Variants in TICRR observed in about 807,000 individuals in gnomAD.
TICRR encodes TOPBP1 interacting checkpoint and replication regulator, also known as treslin.
Under a neutral mutation model 178.1 loss-of-function variants are expected in TICRR, and 132 were observed. The observed-to-expected ratio is 0.74, with a 90% confidence interval of 0.64 to 0.86. The LOEUF (loss-of-function observed/expected upper bound fraction) is 0.86, where lower values mean the gene tolerates loss of function less well. TICRR is among the 40% of genes least tolerant of loss of function. The pLI is 0.00. For synonymous variants in TICRR, 991 were observed against 900.7 expected (o/e 1.10, Z -1.79); for missense variants, 2,587 against 2,334.3 (o/e 1.11, Z -2.23).
intron 21 of TICRR, 109 bp from the exon 22 acceptor site, chr15:89,626,847 G>C (rs1963536751): frequency 3.9e-6 from 5 of 1,267,508 alleles, no homozygotes; most frequent in East Asian, 2.3e-5. Flanking sequence ...AAGCAGTGCT[G>C]ATTTTCTTAA....
chr15:89,623,873 T>C lies in TICRR; in HGVS notation c.3563T>C (p.Leu1188Pro). Residue 1188 changes from leucine to proline, a missense_variant, in exon 20 of 22, where the codon CTT becomes CCT. Leu to Pro is a moderately conservative substitution (Grantham distance 98). Transcript: ENST00000268138. The stretch of plus-strand genomic sequence containing the variant: ...ACCCAGGCAGGAGAAGGTACCTCTC[T>C]TGAAACGAAGACACCAAGAACTCCT... The part of the protein sequence containing the change: ...RHTQAGEGTS[L>P]ETKTPRTPKR... 1 of 1,613,940 alleles carries C rather than the reference T, an allele frequency of 6.2e-7. No individual in the cohort carries two copies. The highest frequency in any genetic ancestry group is 2.2e-5 in the East Asian group (1 of 44,868).
At chr15:89,611,604 AT>A (rs1375352304) in intron 15 of TICRR, among the ~76,000 whole-genome samples, 2 of 152,032 alleles carry the variant, frequency 1.3e-5, no homozygotes, top group African/African-American at 4.8e-5. Context: ...TTAGACTCCC[AT>A]GATATATGTG....
intron 12 of TICRR, among the ~76,000 whole-genome samples, chr15:89,602,429 G>T (rs1449201683): frequency 6.6e-6 from 1 of 152,064 alleles, no homozygotes; most frequent in Admixed American, 6.6e-5. Flanking sequence ...ATAACCTATG[G>T]GACCATTGTC....
At chr15:89,594,888 ATGT>A (rs1450400697) in intron 6 of TICRR, among the ~76,000 whole-genome samples, 2 of 152,290 alleles carry the variant, frequency 1.3e-5, no homozygotes, top group South Asian at 2.1e-4. Flanking sequence ...CAAAATTCTC[ATGT>A]TGTTGAACAT....
intron 1 of TICRR, among the ~76,000 whole-genome samples, chr15:89,577,626 T>G (rs918648864): frequency 1.5e-5 from 2 of 132,064 alleles, no homozygotes; most frequent in Admixed American, 7.8e-5. Flanking sequence ...TTTTTTTTTT[T>G]GAGACAGAGT....
Position 89,575,654 on chromosome 15 carries a change from TCCG to T in TICRR, c.69_71del (p.Arg25del). The stretch of plus-strand genomic sequence containing the variant: ...GGCGGCGCCGCCCGCCACAGCCGGG[TCCG>T]GCGGGCCGCCCTGCGCCTCCTCACC... On this transcript the variant is annotated inframe_deletion, in exon 1 of 22. Coordinates refer to ENST00000268138, the MANE Select transcript of TICRR (RefSeq NM_152259.4). The T allele has an allele frequency of 1.3e-6, 2 of 1,570,876 alleles. No homozygotes were observed. Among genetic ancestry groups the T allele is most frequent in the Non-Finnish European group, 1.7e-6 (2 of 1,160,878 alleles).
chr15:89,597,822 G>A (rs1963023701), intron 7 of TICRR, among the ~76,000 whole-genome samples: 1 of 152,168 alleles, frequency 6.6e-6, no homozygotes, highest in African/African-American at 2.4e-5. Context: ...ATCAAATTGG[G>A]AATCTGAAAT....
In TICRR at chr15:89,599,427, C is replaced by G. The variant is rs1367462681; in HGVS notation, c.2004C>G (p.Ile668Met). The G allele has an allele frequency of 1.2e-6, 2 of 1,613,408 alleles. No individual in the cohort carries two copies. Among genetic ancestry groups the G allele is most frequent in the Admixed American group, 1.7e-5 (1 of 59,918 alleles). Residue 668 changes from isoleucine (I) to methionine (M), a missense_variant, in exon 8 of 22, where the codon ATC becomes ATG. Transcript: ENST00000268138. ...IMLYACARNMISTVKMFLKSK... is the reference protein window; with the variant it reads ...IMLYACARNMMSTVKMFLKSK... ...TGTATGCATGTGCTCGAAACATGAT[C>G]TCAACCGTTAAAATGTTCCTAAAAT...
rs764619506 is a variant in TICRR at position 89,582,720 on chromosome 15, C to T, written c.689C>T (p.Thr230Ile). 6.2e-7 allele frequency: 1 copy of T among 1,614,170 alleles called. No homozygotes were observed. Among genetic ancestry groups the T allele is most frequent in the South Asian group, 1.1e-5 (1 of 91,086 alleles). The change falls in exon 2 of 22, where the codon ACT becomes ATT. Residue 230 changes from threonine to isoleucine, a missense_variant. By Grantham distance (89) the Thr-to-Ile change is moderately conservative. Transcript: ENST00000268138. ...WESPDHLGYWTVCELLHHGGG... is the reference protein window; with the variant it reads ...WESPDHLGYWIVCELLHHGGG... The stretch of plus-strand genomic sequence containing the variant: ...TCCCCAGACCACCTTGGATACTGGA[C>T]TGTTTGTGAACTGCTCCACCACGGA...
At chr15:89,601,623 A>T in intron 11 of TICRR, 55 bp downstream of exon 11, 1 of 1,608,044 alleles carries the variant, frequency 6.2e-7, no homozygotes. Flanking sequence ...AAACCTATGT[A>T]TGGTGTTGTC....
At position 89,601,726 on chromosome 15, in the gene TICRR, C is replaced by G. The variant is rs201639372; in HGVS notation, c.2328-11C>G. 564 of 1,614,038 alleles carry G rather than the reference C, an allele frequency of 3.5e-4. 6 individuals are homozygous for G. The Middle Eastern group carries it at 0.013, about 37-fold the overall frequency. The stretch of plus-strand genomic sequence containing the variant: ...GGTAACTGTTCCGTATTCGATCAAT[C>G]TGTTCCACAGGTATATTGACTCTAT... On this transcript the variant is annotated splice_polypyrimidine_tract_variant and intron_variant, in intron 11 of 21. Transcript: ENST00000268138.
chr15:89,627,207 A>G lies in TICRR; in HGVS notation c.*121A>G, dbSNP rs1176312476. ...GGTCAGTGTTCAGATTGCCATTAGA[A>G]TGCCTTAGGGTTTTCTAATTCCCCT... On this transcript the variant is annotated 3_prime_UTR_variant, in exon 22 of 22. Transcript: ENST00000268138. 7.9e-7 allele frequency: 1 copy of G among 1,261,672 alleles called. No homozygotes were observed. The highest frequency in any genetic ancestry group is 1.1e-6 in the Non-Finnish European group (1 of 899,708). The allele number at this position is 1,261,672 out of a possible 1,614,324, so 78.2% of individuals were successfully genotyped here.
Position 89,576,061 on chromosome 15 carries a change from C to T in TICRR, c.475C>T (p.Pro159Ser), listed in dbSNP as rs1224944013. The T allele has an allele frequency of 3.7e-6, 6 of 1,611,710 alleles. No homozygotes were observed. The African/African-American group carries it at 4.0e-5, about 11-fold the overall frequency. Residue 159 changes from proline to serine, a missense_variant, in exon 1 of 22, where the codon CCC (proline) becomes TCC (serine). Coordinates refer to ENST00000268138, the MANE Select transcript of TICRR (RefSeq NM_152259.4). Reference protein sequence around the residue: ...GLVNAVFLLAPCPHSQRELLQ... With the variant: ...GLVNAVFLLASCPHSQRELLQ... ...GGTGAACGCCGTCTTCCTCCTGGCC[C>T]CCTGTCCGCACTCGCAGAGGGAGCT...
At chr15:89,593,048 G>A (rs1962939294) in intron 5 of TICRR, among the ~76,000 whole-genome samples, 1 of 152,220 alleles carries the variant, frequency 6.6e-6, no homozygotes, top group South Asian at 2.1e-4. Flanking sequence ...ATCAGGTAGT[G>A]TAAGTCCTCT....
rs758340143 is a variant in TICRR at position 89,623,935 on chromosome 15, A to G, written c.3625A>G (p.Asn1209Asp). 2.8e-5 allele frequency: 45 copies of G among 1,613,880 alleles called. No homozygotes were observed. Among genetic ancestry groups the G allele is most frequent in the East Asian group, 8.9e-5 (4 of 44,886 alleles). ...TACTCAGCCGCCTGGGTTTTTGCCA[A>G]ACTGTACTTGGCCACATTCAGTGAA... ...QGTQPPGFLP[N>D]CTWPHSVNSS... Residue 1209 changes from asparagine (N) to aspartate (D), a missense_variant, in exon 20 of 22, where the codon AAC becomes GAC. Transcript: ENST00000268138.
chr15:89,583,264 A>G (rs911870925), intron 2 of TICRR, among the ~76,000 whole-genome samples: 2 of 152,242 alleles, frequency 1.3e-5, no homozygotes, highest in Non-Finnish European at 2.9e-5. Flanking sequence ...ACATGGGTAT[A>G]CGATTTCATT....
At position 89,624,376 on chromosome 15, in the gene TICRR, C is replaced by T. The variant is rs1275187785; in HGVS notation, c.4066C>T (p.Pro1356Ser). The T allele has an allele frequency of 6.2e-7, 1 of 1,613,982 alleles. No individual in the cohort carries two copies. The highest frequency in any genetic ancestry group is 1.3e-5 in the African/African-American group (1 of 74,926). ...SPSVAASLSC[P>S]VPSTPPELSQ... ...CAGCGTAGCTGCATCTCTCTCCTGC[C>T]CTGTTCCCTCAACTCCCCCTGAACT... The change falls in exon 20 of 22, where the codon CCT (proline) becomes TCT (serine). Residue 1356 changes from proline to serine, a missense_variant. Physicochemically the swap from Pro to Ser is moderately conservative, Grantham distance 74. Transcript: ENST00000268138.
At chr15:89,596,680 C>T (rs1489455630) in intron 7 of TICRR, among the ~76,000 whole-genome samples, 1 of 152,032 alleles carries the variant, frequency 6.6e-6, no homozygotes, top group African/African-American at 2.4e-5. Context: ...TCTTTTGTTT[C>T]TGTTGATTGC....
Position 89,618,207 on chromosome 15 carries a change from G to C in TICRR, c.3016G>C (p.Asp1006His). Residue 1006 changes from aspartate to histidine, a missense_variant, in exon 17 of 22, where the codon GAT (aspartate) becomes CAT (histidine). Physicochemically the swap from Asp to His is moderately conservative, Grantham distance 81. Coordinates refer to ENST00000268138, the MANE Select transcript of TICRR (RefSeq NM_152259.4). ...TGTTGAAGAGTCCCCTGAAAAAGGA[G>C]ATGGTGAGTGTTATCTCTTTTTGTT... ...GVVEESPEKG[D>H]EISLRRSPRI... 6.2e-7 allele frequency: 1 copy of C among 1,614,080 alleles called. No homozygotes were observed. The highest frequency in any genetic ancestry group is 8.5e-7 in the Non-Finnish European group (1 of 1,179,914).
Sources: gnomAD v4.1 joint callset for allele counts (sites outside exome capture counted in the v4.1 genomes callset) on GRCh38, gnomAD v4.1.1 for gene constraint, MANE v1.5 for transcripts, NCBI Gene and HGNC (gene_info 2026-07-23, HGNC 2026-07-21) for gene names.